The following PCDH19 variants were observed in gnomAD, a reference collection of about 807,000 sequenced individuals.
The protein encoded by PCDH19 is protocadherin 19, also known as protocadherin-19.
Under a neutral mutation model 46.2 loss-of-function variants are expected in PCDH19, and 6 were observed. The ratio of observed to expected loss-of-function variants is 0.13; its 90% confidence interval spans 0.07 to 0.26. PCDH19 has a LOEUF of 0.26. Ranked by LOEUF, PCDH19 falls within the 10% of genes least tolerant of loss-of-function variation. The pLI, the probability that PCDH19 is intolerant of heterozygous loss-of-function variation, is 1.00. For synonymous variants in PCDH19, 481 were observed against 415.7 expected (o/e 1.16, Z -1.91); for missense variants, 740 against 972.3 (o/e 0.76, Z 3.18).
chrX:100,404,612 C>CT (rs11419892), intron 1 of PCDH19, among the ~76,000 whole-genome samples: 42,456 of 98,445 alleles, frequency 0.43, 7,702 homozygotes, highest in Middle Eastern at 0.53. Flanking sequence ...GAGATTTACT[C>CT]TTTTTTTTTT....
intron 5 of PCDH19, among the ~76,000 whole-genome samples, chrX:100,322,857 A>ATTTTTT (rs1481284837): frequency 2.0e-5 from 1 of 50,889 alleles, no homozygotes; most frequent in African/African-American, 1.1e-4. Flanking sequence ...ATATATATAT[A>ATTTTTT]TATATATATT....
intron 5 of PCDH19, among the ~76,000 whole-genome samples, chrX:100,315,492 C>G (rs1164344559): frequency 8.9e-6 from 1 of 112,192 alleles, no homozygotes; most frequent in Admixed American, 9.4e-5. Flanking sequence ...CAGCCAAAAC[C>G]TAGAGAAGTA....
At chrX:100,402,887 C>A (rs914444447) in intron 2 of PCDH19, 36 bp from the exon 3 acceptor site, 7 of 1,076,315 alleles carry the variant, frequency 6.5e-6, no homozygotes, top group African/African-American at 1.8e-5. Context: ...ATCACTAACA[C>A]CCTCCCAAAT....
intron 3 of PCDH19, among the ~76,000 whole-genome samples, chrX:100,351,556 A>G (rs1298383987): frequency 8.9e-6 from 1 of 112,008 alleles, no homozygotes; most frequent in African/African-American, 3.2e-5. Context: ...TGTCCTAGTA[A>G]AGTGGATCTC....
At chrX:100,333,938 T>G (rs1398247199) in intron 5 of PCDH19, among the ~76,000 whole-genome samples, 1 of 109,423 alleles carries the variant, frequency 9.1e-6, no homozygotes, top group Non-Finnish European at 1.9e-5. Context: ...TACAGGCATG[T>G]GCCACCATGC....
At chrX:100,385,802 G>A (rs1309500042) in intron 3 of PCDH19, among the ~76,000 whole-genome samples, 1 of 111,219 alleles carries the variant, frequency 9.0e-6, no homozygotes, top group Non-Finnish European at 1.9e-5. Flanking sequence ...GCTGAGGCAG[G>A]AGGAACTTTT....
At chrX:100,325,053 A>G (rs1160831518) in intron 5 of PCDH19, among the ~76,000 whole-genome samples, 1 of 110,662 alleles carries the variant, frequency 9.0e-6, no homozygotes, top group Non-Finnish European at 1.9e-5. Flanking sequence ...ACAAAAAAAC[A>G]AAAACAAAAA....
intron 5 of PCDH19, among the ~76,000 whole-genome samples, chrX:100,310,501 T>C (rs970617654): frequency 1.8e-5 from 2 of 110,971 alleles, no homozygotes; most frequent in Non-Finnish European, 3.8e-5. Context: ...TCTGACAAAG[T>C]GCTGGACTTC....
intron 5 of PCDH19, among the ~76,000 whole-genome samples, chrX:100,300,591 C>T (rs1469408307): frequency 6.3e-5 from 7 of 111,687 alleles, no homozygotes; most frequent in Non-Finnish European, 1.1e-4. Context: ...TGGAAATTCA[C>T]GTATAGATGA....
intron 3 of PCDH19, among the ~76,000 whole-genome samples, chrX:100,356,435 TCTC>T (rs1295350724): frequency 1.8e-5 from 2 of 111,799 alleles, no homozygotes; most frequent in Non-Finnish European, 3.8e-5. Flanking sequence ...CAAATGGTCA[TCTC>T]CTCACAAAGA....
At chrX:100,330,332 A>G (rs955473833) in intron 5 of PCDH19, among the ~76,000 whole-genome samples, 1 of 112,327 alleles carries the variant, frequency 8.9e-6, no homozygotes, top group Admixed American at 9.4e-5. Context: ...CTGAAAGAGG[A>G]GGAAAGAAAG....
In PCDH19 at chrX:100,341,886, A is replaced by G. The variant is rs1375623334; in HGVS notation, c.2848+17T>C. ...TTTGGAGTCGATTGCTGCAACTTACATCCAACCAGTCCTTACCATGATCAG... is the reference window on the plus strand; with the variant it reads ...TTTGGAGTCGATTGCTGCAACTTACGTCCAACCAGTCCTTACCATGATCAG... On this transcript the variant is annotated intron_variant, in intron 5 of 5. Transcript: ENST00000373034. 1.7e-6 allele frequency: 2 copies of G among 1,205,698 alleles called. No individual in the cohort carries two copies. The highest frequency in any genetic ancestry group is 4.8e-4 in the Middle Eastern group (2 of 4,197).
chrX:100,402,732 C>G lies in PCDH19; in HGVS notation c.2408G>C (p.Ser803Thr). Reference sequence around the variant, plus strand: ...GAGGGAGGAGGTCAGGGAAGAGCAACTGACAACGTTCATCTTGTCTGTCTC... The same window carrying G: ...GAGGGAGGAGGTCAGGGAAGAGCAAGTGACAACGTTCATCTTGTCTGTCTC... ...VEETDKMNVV[S>T]CSSLTSSLNY... Residue 803 changes from serine (S) to threonine (T), a missense_variant, in exon 3 of 6, where the codon AGT becomes ACT. By Grantham distance (58) the Ser-to-Thr change is moderately conservative. Around this residue, in one of 5 missense-constraint regions of PCDH19, gnomAD observed 416 missense variants for 476.8 expected, o/e 0.87. Transcript: ENST00000373034. 1.7e-6 allele frequency: 2 copies of G among 1,211,251 alleles called. No homozygotes were observed. Among genetic ancestry groups the G allele is most frequent in the Non-Finnish European group, 2.2e-6 (2 of 894,830 alleles).
chrX:100,317,145 G>A (rs765059312), intron 5 of PCDH19, among the ~76,000 whole-genome samples: 1 of 111,604 alleles, frequency 9.0e-6, no homozygotes, highest in Non-Finnish European at 1.9e-5. Flanking sequence ...TGAGCAAGCC[G>A]ACTCCGCAGG....
intron 5 of PCDH19, among the ~76,000 whole-genome samples, chrX:100,314,705 C>A (rs1443587745): frequency 9.0e-6 from 1 of 111,683 alleles, no homozygotes; most frequent in African/African-American, 3.3e-5. Flanking sequence ...AATCCATGAA[C>A]TGCAGGTTGT....
intron 5 of PCDH19, among the ~76,000 whole-genome samples, chrX:100,322,971 C>T (rs1041203586): frequency 9.6e-6 from 1 of 104,207 alleles, no homozygotes; most frequent in Admixed American, 1.1e-4. Context: ...ATCTTGTATC[C>T]GGAAACTTTG....
intron 3 of PCDH19, among the ~76,000 whole-genome samples, chrX:100,352,423 A>C (rs746874283): frequency 8.9e-6 from 1 of 112,674 alleles, no homozygotes; most frequent in Non-Finnish European, 1.9e-5. Context: ...TATTCAGTAC[A>C]ATATATAATT....
Position 100,310,341 on chromosome X carries a change from T to C in PCDH19, c.2849-13466A>G, listed in dbSNP as rs781406018. ...AAGATGTACATAAGTATAAATCATT[T>C]GTGCTGATGCATGGGGAGCAAGGAA... On this transcript the variant is annotated intron_variant, in intron 5 of 5. Transcript: ENST00000373034. 8.1e-5 allele frequency among the ~76,000 whole-genome samples: 9 copies of C among 110,875 alleles called. No homozygotes were observed. In the South Asian group the frequency reaches 3.5e-3, roughly 43 times the overall value.
At chrX:100,387,528 A>G (rs1927749244) in intron 3 of PCDH19, among the ~76,000 whole-genome samples, 1 of 111,771 alleles carries the variant, frequency 8.9e-6, no homozygotes, top group Non-Finnish European at 1.9e-5. Flanking sequence ...TTTGGTACTG[A>G]AAAGGGCACT....
Sources: allele counts gnomAD v4.1 joint callset (sites outside exome capture counted in the v4.1 genomes callset), GRCh38; gene constraint gnomAD v4.1.1; regional missense constraint gnomAD v4.1.1; transcripts MANE v1.5; gene names NCBI Gene and HGNC (gene_info 2026-07-23, HGNC 2026-07-21).